The following ZNF34 variants were observed in gnomAD, a reference collection of about 807,000 sequenced individuals.
ZNF34 encodes zinc finger protein 34 (KOX 32).
Under a neutral mutation model 14.4 loss-of-function variants are expected in ZNF34, and 8 were observed. That is an observed-to-expected ratio of 0.55 (90% CI 0.33 to 1.00). The LOEUF (loss-of-function observed/expected upper bound fraction) is 1.00. ZNF34 is among the 50% of genes least tolerant of loss of function. The pLI, the probability that ZNF34 is intolerant of heterozygous loss-of-function variation, is 0.03. For synonymous variants in ZNF34, 235 were observed against 247.9 expected (o/e 0.95, Z 0.49); for missense variants, 538 against 674.2 (o/e 0.80, Z 2.24).
At chr8:144,781,702 G>C (rs1346723227) in intron 1 of ZNF34, among the ~76,000 whole-genome samples, 5 of 151,910 alleles carry the variant, frequency 3.3e-5, no homozygotes, top group Admixed American at 3.3e-4. Flanking sequence ...AATCCCAAAA[G>C]AATATATCAT....
At position 144,773,107 on chromosome 8, in the gene ZNF34, G is replaced by T; in HGVS notation, c.*159C>A. 2 of 765,750 alleles carry T rather than the reference G, an allele frequency of 2.6e-6. No individual in the cohort carries two copies. The highest frequency in any genetic ancestry group is 3.8e-6 in the Non-Finnish European group (2 of 520,076). The allele number at this position is 765,750 out of a possible 1,614,324, so 47.4% of individuals were successfully genotyped here. A position where few individuals can be genotyped will look rare whatever the true frequency, so the allele number is the denominator to read the frequency against. ...GTCTCAATTTCTCTAAAATGAACATGCACTGCTTTTGATTTAAGAAAAGAG... is the reference window on the plus strand; with the variant it reads ...GTCTCAATTTCTCTAAAATGAACATTCACTGCTTTTGATTTAAGAAAAGAG... On this transcript the variant is annotated 3_prime_UTR_variant, in exon 6 of 6. Coordinates refer to ENST00000429371, the MANE Select transcript of ZNF34 (RefSeq NM_001286769.2). The surrounding 1 kb of genome is among the most constrained non-coding windows in gnomAD (Gnocchi z 5.4).
rs1825658049 is a variant in ZNF34, at chr8:144,778,307, G to A, written c.33+132C>T. 4 of 1,388,986 alleles carry A rather than the reference G, an allele frequency of 2.9e-6. No individual in the cohort carries two copies. The South Asian group carries it at 4.2e-5, about 15-fold the overall frequency. The allele number at this position is 1,388,986 out of a possible 1,614,324, so 86.0% of individuals were successfully genotyped here. On this transcript the variant is annotated intron_variant, in intron 3 of 5. Transcript: ENST00000429371. ...ACCGAGCCAGCTAATACATCCCAAG[G>A]GGTGGCTGCATGGGGGTCTCAGGGC...
At chr8:144,780,931 T>A (rs1825832709) in intron 1 of ZNF34, among the ~76,000 whole-genome samples, 1 of 149,784 alleles carries the variant, frequency 6.7e-6, no homozygotes, top group African/African-American at 2.5e-5. Context: ...GGTCAGGAGA[T>A]CGAGACCATC....
chr8:144,779,941 C>A lies in ZNF34; in HGVS notation c.-55+287G>T, dbSNP rs548680870. ...CGGTGGCTCACACCTGTAATCCTAGCGCTTTGGGAGGCTGAGGCGGGAGGA... is the reference window on the plus strand; with the variant it reads ...CGGTGGCTCACACCTGTAATCCTAGAGCTTTGGGAGGCTGAGGCGGGAGGA... On this transcript the variant is annotated intron_variant, in intron 2 of 5. Coordinates refer to ENST00000429371, the MANE Select transcript of ZNF34 (RefSeq NM_001286769.2). The surrounding 1 kb of genome is among the most constrained non-coding windows in gnomAD (Gnocchi z 4.1). Among the ~76,000 whole-genome samples, 1 of 150,548 alleles carries A rather than the reference C, an allele frequency of 6.6e-6. No homozygotes were observed. The highest frequency in any genetic ancestry group is 1.5e-5 in the Non-Finnish European group (1 of 67,908).
In ZNF34 at chr8:144,778,108, G is replaced by A. The variant is rs763952074; in HGVS notation, c.90C>T (p.Arg30=). 1.2e-6 allele frequency: 2 copies of A among 1,614,026 alleles called. No individual in the cohort carries two copies. The highest frequency in any genetic ancestry group is 2.2e-5 in the South Asian group (2 of 91,090). ...AGAGGCCCCTCTGAGCAGGGCCCAG[G>A]CGGCCCCATTCCTCCCGGGAGAGGT... ...AVYLSREEWG[R]LGPAQRGLYR... The change falls in exon 4 of 6, where the codon CGC becomes CGT. Residue 30 remains arginine (R), a synonymous_variant. Transcript: ENST00000429371.
intron 1 of ZNF34, among the ~76,000 whole-genome samples, chr8:144,781,192 T>C (rs1229932720): frequency 1.3e-5 from 2 of 150,128 alleles, no homozygotes; most frequent in Non-Finnish European, 3.0e-5. Flanking sequence ...TGCATATTAC[T>C]AAAAGCCCAC....
chr8:144,774,949 G>T (rs893084723), intron 5 of ZNF34, among the ~76,000 whole-genome samples: 1 of 152,210 alleles, frequency 6.6e-6, no homozygotes, highest in Non-Finnish European at 1.5e-5. Context: ...GGATTGATTA[G>T]TCCTGGCCCC....
Position 144,777,159 on chromosome 8 carries a change from C to G in ZNF34, c.280+299G>C, listed in dbSNP as rs1166682001. On this transcript the variant is annotated intron_variant, in intron 5 of 5. Transcript: ENST00000429371. The surrounding 1 kb of genome is among the most constrained non-coding windows in gnomAD (Gnocchi z 4.8). ...GCAGGGTTCTGTGGGGTTCCGCAGA[C>G]CCTAACAGCACCCCTGTTCTGCACC... is the stretch of plus-strand genomic sequence containing the variant. Among the ~76,000 whole-genome samples, 4 of 152,088 alleles carry G rather than the reference C, an allele frequency of 2.6e-5. No individual in the cohort carries two copies. The East Asian group carries it at 7.7e-4, about 29-fold the overall frequency.
At position 144,778,517 on chromosome 8, in the gene ZNF34, ACTGAGGAG is replaced by A; in HGVS notation, c.-54_-47del. ...TGAGGGCAGTGAGCAGGAGCTGGTC[ACTGAGGAG>A]CTGAGGGAAGAGAACGCAACAAGTG... is the stretch of plus-strand genomic sequence containing the variant. On this transcript the variant is annotated splice_region_variant and 5_prime_UTR_variant, in exon 3 of 6. The change abolishes the stop of an existing upstream ORF in the 5' untranslated region. Coordinates refer to ENST00000429371, the MANE Select transcript of ZNF34 (RefSeq NM_001286769.2). 6.3e-7 allele frequency: 1 copy of A among 1,577,380 alleles called. No homozygotes were observed.
In ZNF34 at chr8:144,774,310, A is replaced by C; in HGVS notation, c.576T>G (p.His192Gln). The C allele has an allele frequency of 1.2e-6, 2 of 1,612,634 alleles. No individual in the cohort carries two copies. Among genetic ancestry groups the C allele is most frequent in the Non-Finnish European group, 1.7e-6 (2 of 1,179,254 alleles). Residue 192 changes from histidine (H) to glutamine (Q), a missense_variant, in exon 6 of 6, where the codon CAT becomes CAG. His to Gln is a conservative substitution (Grantham distance 24). This residue lies in a region of ZNF34 where 431 missense variants were observed against 525.7 expected (regional missense o/e 0.82). Transcript: ENST00000429371. The stretch of plus-strand genomic sequence containing the variant: ...TTTTTTTTGACCTGTGTACACGCTT[A>C]TGGTTGTTGAGATATGATCTCTGTT... Reference protein sequence around the residue: ...SFEQRSYLNNHKRVHRSKKTN... With the variant: ...SFEQRSYLNNQKRVHRSKKTN...
chr8:144,781,053 G>A (rs1825844543), intron 1 of ZNF34, among the ~76,000 whole-genome samples: 1 of 149,234 alleles, frequency 6.7e-6, no homozygotes, highest in South Asian at 2.1e-4. Flanking sequence ...GGAGAATGGT[G>A]TGAACCGGGA....
rs1028475918 is a variant in ZNF34 at position 144,773,485 on chromosome 8, G to A, written c.1401C>T (p.Ser467=). The A allele has an allele frequency of 1.2e-6, 2 of 1,613,912 alleles. No homozygotes were observed. The highest frequency in any genetic ancestry group is 3.3e-5 in the Admixed American group (2 of 59,982). ...GCAGCCTCTGGTGGTGGATGAGTCT[G>A]GAACTGTTGTGGAAGGCCTTCCCAC... ...SECGKAFHNS[S]RLIHHQRLHH... is the part of the protein sequence containing the mutation. The change falls in exon 6 of 6, where the codon TCC becomes TCT. Residue 467 remains serine, a synonymous_variant. Transcript: ENST00000429371. The surrounding 1 kb of genome is among the most constrained non-coding windows in gnomAD (Gnocchi z 5.4).
intron 5 of ZNF34, among the ~76,000 whole-genome samples, chr8:144,776,769 G>C (rs1825545361): frequency 6.6e-6 from 1 of 151,738 alleles, no homozygotes; most frequent in Non-Finnish European, 1.5e-5. Context: ...AAATTAGTGT[G>C]AGTGACACAT....
intron 3 of ZNF34, 102 bp downstream of exon 3, chr8:144,778,337 C>G (rs1208518602): frequency 7.2e-7 from 1 of 1,383,292 alleles, no homozygotes; most frequent in Non-Finnish European, 9.7e-7. Flanking sequence ...CAGGGCCACC[C>G]CTACCATCAT....
At chr8:144,782,230 G>A (rs1825932103) in intron 1 of ZNF34, among the ~76,000 whole-genome samples, 1 of 152,178 alleles carries the variant, frequency 6.6e-6, no homozygotes, top group South Asian at 2.1e-4. Context: ...GCTGAGGCAG[G>A]AGAATCACTG....
chr8:144,773,137 G>A lies in ZNF34; in HGVS notation c.*129C>T. The A allele has an allele frequency of 1.9e-6, 2 of 1,029,956 alleles. No individual in the cohort carries two copies. Among genetic ancestry groups the A allele is most frequent in the Non-Finnish European group, 2.7e-6 (2 of 748,716 alleles). The allele number at this position is 1,029,956 out of a possible 1,614,324, so 63.8% of individuals were successfully genotyped here. A position where few individuals can be genotyped will look rare whatever the true frequency, so the allele number is the denominator to read the frequency against. Reference sequence around the variant, plus strand: ...GCTTTTGATTTAAGAAAAGAGGTTTGTTTAATGAGAAACGTCCTTTCACTC... The same window carrying A: ...GCTTTTGATTTAAGAAAAGAGGTTTATTTAATGAGAAACGTCCTTTCACTC... On this transcript the variant is annotated 3_prime_UTR_variant, in exon 6 of 6. Transcript: ENST00000429371. This position sits in a 1 kb window ranked among gnomAD's most constrained non-coding sequence, Gnocchi z 5.4.
intron 1 of ZNF34, among the ~76,000 whole-genome samples, chr8:144,783,977 T>C (rs58298013): frequency 0.097 from 14,698 of 151,888 alleles, 1,656 homozygotes; most frequent in African/African-American, 0.27. Context: ...CTGGCTAACA[T>C]GGTGAAACCC....
chr8:144,774,588 C>T lies in ZNF34; in HGVS notation c.298G>A (p.Glu100Lys), dbSNP rs1685704606. ...TCCTGTGAAGTCAACTCCTTGTACT[C>T]AGTTCTGGTCCCAAGAGCTGAAACA... is the stretch of plus-strand genomic sequence containing the variant. ...VNSPALGTRT[E>K]YKELTSQETF... The change falls in exon 6 of 6, where the codon GAG becomes AAG. Residue 100 changes from glutamate (E) to lysine (K), a missense_variant. Physicochemically the swap from Glu to Lys is moderately conservative, Grantham distance 56 (BLOSUM62 1). This residue lies in a region of ZNF34 where 431 missense variants were observed against 525.7 expected (regional missense o/e 0.82). Transcript: ENST00000429371. 6.2e-7 allele frequency: 1 copy of T among 1,612,050 alleles called. No homozygotes were observed.
chr8:144,786,261 T>C (rs1404253277), intron 1 of ZNF34, among the ~76,000 whole-genome samples: 1 of 151,846 alleles, frequency 6.6e-6, no homozygotes, highest in African/African-American at 2.4e-5. Context: ...AGTGCTGGGA[T>C]TGCAGGCGTG....
Sources: gnomAD v4.1 joint callset for allele counts (sites outside exome capture counted in the v4.1 genomes callset) on GRCh38, gnomAD v4.1.1 for gene constraint, gnomAD v4.1.1 regional missense constraint, Gnocchi (gnomAD v3.1) non-coding constraint, MANE v1.5 for transcripts, NCBI Gene and HGNC (gene_info 2026-07-23, HGNC 2026-07-21) for gene names.